Variants in SYNE3 observed in about 807,000 individuals in gnomAD.
The protein encoded by SYNE3 is nesprin-3.
A neutral mutation model predicts 111.2 loss-of-function variants in SYNE3; 100 were observed. The observed-to-expected ratio is 0.90, with a 90% CI of 0.77 to 1.06. The LOEUF (loss-of-function observed/expected upper bound fraction) is 1.06, where lower values mean the gene tolerates loss of function less well. Ranked by LOEUF, SYNE3 falls within the 50% of genes least tolerant of loss-of-function variation. SYNE3 has a pLI of 0.00. For synonymous variants in SYNE3, 547 were observed against 533.9 expected, an observed-to-expected ratio of 1.02 and a Z score of -0.34; for missense variants, 1,160 against 1,240.3, an observed-to-expected ratio of 0.94 and a Z score of 0.97.
chr14:95,465,009 C>T (rs941495390), intron 4 of SYNE3, among the ~76,000 whole-genome samples: 2 of 152,158 alleles, frequency 1.3e-5, no homozygotes, highest in African/African-American at 4.8e-5. Context: ...TAATACAGAA[C>T]CAAATAAAAT....
At position 95,500,136 on chromosome 14, in the gene SYNE3, A is replaced by G. The variant is rs905660244; in HGVS notation, c.-15+16460T>C. Among the ~76,000 whole-genome samples the G allele has an allele frequency of 6.6e-6, 1 of 152,134 alleles. No individual in the cohort carries two copies. The highest frequency in any genetic ancestry group is 2.4e-5 in the African/African-American group (1 of 41,440). ...CGGCCTCCCAAAGTGCTGGGATTAAAGGCGTGAGCCACTGCGCCCGGCCTA... is the reference window on the plus strand; with the variant it reads ...CGGCCTCCCAAAGTGCTGGGATTAAGGGCGTGAGCCACTGCGCCCGGCCTA... On this transcript the variant is annotated intron_variant, in intron 1 of 17. Coordinates refer to ENST00000682763, the MANE Select transcript of SYNE3 (RefSeq NM_152592.6). The surrounding 1 kb of genome is among the most constrained non-coding windows in gnomAD (Gnocchi z 4.7).
intron 1 of SYNE3, among the ~76,000 whole-genome samples, chr14:95,515,168 C>T (rs1338770060): frequency 3.3e-5 from 5 of 152,220 alleles, no homozygotes; most frequent in Admixed American, 6.5e-5. Context: ...ACATCCCAGC[C>T]CACTTCCCGC....
Position 95,444,597 on chromosome 14 carries a change from G to T in SYNE3, c.1664C>A (p.Ala555Glu), listed in dbSNP as rs565608397. The change falls in exon 10 of 18, where the codon GCA becomes GAA. Residue 555 changes from alanine to glutamate, a missense_variant. Ala to Glu is a moderately radical substitution (Grantham distance 107). Coordinates refer to ENST00000682763, the MANE Select transcript of SYNE3 (RefSeq NM_152592.6). ...CTTCCTCTGCAGGGGCTCAAAAGCTGCTCCAAAGTCTTTGTGCTGAGCGAG... is the reference window on the plus strand; with the variant it reads ...CTTCCTCTGCAGGGGCTCAAAAGCTTCTCCAAAGTCTTTGTGCTGAGCGAG... ...SLLAQHKDFG[A>E]AFEPLQRKLL... The T allele has an allele frequency of 6.2e-7, 1 of 1,610,786 alleles. No individual in the cohort carries two copies. Among genetic ancestry groups the T allele is most frequent in the South Asian group, 1.1e-5 (1 of 90,882 alleles).
Position 95,502,600 on chromosome 14 carries a change from G to A in SYNE3, c.-15+13996C>T, listed in dbSNP as rs201377021. On this transcript the variant is annotated intron_variant, in intron 1 of 17. Coordinates refer to ENST00000682763, the MANE Select transcript of SYNE3 (RefSeq NM_152592.6). ...TCAGGAGATCCACTGTGGGTGCCCCGCAAGCCCACGTGCCAAACTGAAGCA... is the reference window on the plus strand; with the variant it reads ...TCAGGAGATCCACTGTGGGTGCCCCACAAGCCCACGTGCCAAACTGAAGCA... Among the ~76,000 whole-genome samples, 18 of 152,090 alleles carry A rather than the reference G, an allele frequency of 1.2e-4. No homozygotes were observed. In the East Asian group the frequency reaches 1.9e-3, roughly 16 times the overall value.
rs189967369 is a variant in SYNE3, at chr14:95,480,555, A to G, written c.-14-4720T>C. Among the ~76,000 whole-genome samples, 459 of 144,938 alleles carry G rather than the reference A, an allele frequency of 3.2e-3. 1 individual carries two copies. The highest frequency in any genetic ancestry group is 5.5e-3 in the Non-Finnish European group (353 of 63,884). ...AAGGTCTGTGGGCATGGCTGGAGAC[A>G]CAGCCTCCCCAGGAATGGACAGTAA... is the stretch of plus-strand genomic sequence containing the variant. On this transcript the variant is annotated intron_variant, in intron 1 of 17. Coordinates refer to ENST00000682763, the MANE Select transcript of SYNE3 (RefSeq NM_152592.6).
intron 11 of SYNE3, among the ~76,000 whole-genome samples, chr14:95,440,364 T>C (rs754244139): frequency 1.5e-4 from 23 of 152,238 alleles, no homozygotes; most frequent in Non-Finnish European, 2.9e-4. Context: ...AAGTGTAAAT[T>C]GGCTCAACCA....
chr14:95,454,403 G>T (rs1277407032), intron 6 of SYNE3, among the ~76,000 whole-genome samples: 1 of 152,224 alleles, frequency 6.6e-6, no homozygotes, highest in Non-Finnish European at 1.5e-5. Flanking sequence ...CATAACAGAG[G>T]TTAAAGTAAT....
chr14:95,443,063 G>T lies in SYNE3; in HGVS notation c.1911+92C>A, dbSNP rs188414839. 981 of 1,488,676 alleles carry T rather than the reference G, an allele frequency of 6.6e-4. 8 individuals carry two copies. In the African/African-American group the frequency reaches 0.013, roughly 19 times the overall value. 92.2% of individuals were successfully genotyped at this position (1,488,676 alleles called of 1,614,324 possible). On this transcript the variant is annotated intron_variant, in intron 11 of 17. Transcript: ENST00000682763. ...AGAAAAAAGAGAGGTTAGAAGGAAT[G>T]AAGGCAGGAAAGGGGAAGAAAGGCC... is the stretch of plus-strand genomic sequence containing the variant.
chr14:95,496,631 T>C (rs569590463), intron 1 of SYNE3, among the ~76,000 whole-genome samples: 1 of 152,334 alleles, frequency 6.6e-6, no homozygotes, highest in South Asian at 2.1e-4. Flanking sequence ...TAAGACCCCC[T>C]ATCTCACAGA....
At chr14:95,472,608 G>T (rs1474539360) in intron 2 of SYNE3, among the ~76,000 whole-genome samples, 1 of 152,258 alleles carries the variant, frequency 6.6e-6, no homozygotes, top group Non-Finnish European at 1.5e-5. Context: ...CTTCCTGAAA[G>T]GCAGCAGCTA....
Position 95,418,044 on chromosome 14 carries a change from C to A in SYNE3, c.2728-18G>T. On this transcript the variant is annotated intron_variant, in intron 17 of 17. Coordinates refer to ENST00000682763, the MANE Select transcript of SYNE3 (RefSeq NM_152592.6). ...CGCCGAGTCTGCGGAACCAACACAG[C>A]ACAGGTGAGTGGGCTGGGGGGCTCT... 6.2e-7 allele frequency: 1 copy of A among 1,605,380 alleles called. No homozygotes were observed.
intron 13 of SYNE3, 27 bp downstream of exon 13, chr14:95,439,585 C>A: frequency 1.2e-6 from 2 of 1,602,512 alleles, no homozygotes; most frequent in Admixed American, 1.7e-5. Flanking sequence ...TCCCAGACAA[C>A]GCTCAGAGCC....
chr14:95,443,557 GACAAAC>G (rs1886528287), intron 10 of SYNE3: 1 of 403,860 alleles, frequency 2.5e-6, no homozygotes, highest in South Asian at 6.8e-5. Flanking sequence ...CATCTCTGGG[GACAAAC>G]TCACATTGGG....
chr14:95,486,396 T>C (rs1272746795), intron 1 of SYNE3, among the ~76,000 whole-genome samples: 8 of 147,766 alleles, frequency 5.4e-5, no homozygotes, highest in Non-Finnish European at 6.0e-5. Flanking sequence ...TTATTGGCCC[T>C]GGGAGTCAGA....
chr14:95,452,079 G>A, intron 7 of SYNE3, 168 bp downstream of exon 7: 10 of 770,250 alleles, frequency 1.3e-5, no homozygotes, highest in South Asian at 3.0e-5. Flanking sequence ...AGTCAAAGGG[G>A]ACAGTGTCTG....
chr14:95,446,191 C>T (rs1886709165), intron 8 of SYNE3, 100 bp from the exon 9 acceptor site: 2 of 1,408,044 alleles, frequency 1.4e-6, no homozygotes, highest in Admixed American at 1.9e-5. Context: ...GCTTAGGAAG[C>T]TCACCTTTGT....
Position 95,440,057 on chromosome 14 carries a change from G to A in SYNE3, c.1930C>T (p.Arg644Trp), listed in dbSNP as rs767003225. 36 of 1,605,222 alleles carry A rather than the reference G, an allele frequency of 2.2e-5. No individual in the cohort carries two copies. The highest frequency in any genetic ancestry group is 1.6e-4 in the East Asian group (7 of 44,880). Reference protein sequence around the residue: ...RSLEDLVDRCRQSVQEHCTFS... With the variant: ...RSLEDLVDRCWQSVQEHCTFS... ...GTGCAGTGCTCCTGCACACTCTGCCGACACCTGTCCACAAGGTCCTGCAGC... is the reference window on the plus strand; with the variant it reads ...GTGCAGTGCTCCTGCACACTCTGCCAACACCTGTCCACAAGGTCCTGCAGC... Residue 644 changes from arginine (R) to tryptophan (W), a missense_variant, in exon 12 of 18, where the codon CGG becomes TGG. Arg to Trp is a moderately radical substitution (Grantham distance 101, BLOSUM62 -3). Coordinates refer to ENST00000682763, the MANE Select transcript of SYNE3 (RefSeq NM_152592.6).
At chr14:95,429,262 G>T (rs1299464332) in intron 17 of SYNE3, among the ~76,000 whole-genome samples, 1 of 152,228 alleles carries the variant, frequency 6.6e-6, no homozygotes, top group African/African-American at 2.4e-5. Flanking sequence ...ATGTGCCATG[G>T]TTACAACAGG....
chr14:95,450,403 G>A (rs1887000296), intron 7 of SYNE3: 6 of 369,098 alleles, frequency 1.6e-5, no homozygotes, highest in Middle Eastern at 7.6e-4. Context: ...GGCAGGATAC[G>A]GTGGCTCACA....
Sources: allele counts gnomAD v4.1 joint callset (sites outside exome capture counted in the v4.1 genomes callset), GRCh38; gene constraint gnomAD v4.1.1; non-coding constraint Gnocchi (gnomAD v3.1); transcripts MANE v1.5; gene names NCBI Gene and HGNC (gene_info 2026-07-23, HGNC 2026-07-21).